BAZ2B: variants seen among roughly 807,000 people sequenced by gnomAD.
The protein encoded by BAZ2B is bromodomain adjacent to zinc finger domain protein 2B.
In BAZ2B, 91 loss-of-function variants were observed where a neutral mutation model predicts 246.0. The observed-to-expected ratio is 0.37, with a 90% CI of 0.31 to 0.44. BAZ2B has a LOEUF of 0.44. BAZ2B is among the 20% of genes least tolerant of loss of function. The pLI, the probability that BAZ2B is intolerant of heterozygous loss-of-function variation, is 1.00. For synonymous variants in BAZ2B, 855 were observed against 860.0 expected (o/e 0.99, Z 0.10); for missense variants, 2,332 against 2,533.7 (o/e 0.92, Z 1.71).
At chr2:159,566,559 A>C (rs1198284042) in intron 1 of BAZ2B, among the ~76,000 whole-genome samples, 3 of 152,208 alleles carry the variant, frequency 2.0e-5, no homozygotes, top group African/African-American at 7.2e-5. Context: ...TCTATAATTC[A>C]CCACCTTACA....
At chr2:159,485,607 T>C (rs2150982103) in intron 2 of BAZ2B, among the ~76,000 whole-genome samples, 1 of 152,220 alleles carries the variant, frequency 6.6e-6, no homozygotes, top group Admixed American at 6.5e-5. Context: ...CTCCCCTAAA[T>C]ACTAGTTTCC....
chr2:159,668,032 T>C, the BAZ2B span, among the ~76,000 whole-genome samples: 1 of 152,196 alleles, frequency 6.6e-6, no homozygotes, highest in Admixed American at 6.5e-5. Context: ...GGTATATCTA[T>C]TAAATTCAGT....
the BAZ2B span, among the ~76,000 whole-genome samples, chr2:159,635,884 C>T: frequency 2.6e-5 from 4 of 151,456 alleles, no homozygotes; most frequent in African/African-American, 9.7e-5. Context: ...TAGGGAGACC[C>T]TGTCTCTATA....
chr2:159,328,502 T>C (rs2064121059), intron 34 of BAZ2B, among the ~76,000 whole-genome samples: 1 of 152,202 alleles, frequency 6.6e-6, no homozygotes, highest in Admixed American at 6.5e-5. Context: ...TGGGAGGACA[T>C]AAAAATCCAT....
chr2:159,534,804 A>T (rs1368100733), intron 2 of BAZ2B, among the ~76,000 whole-genome samples: 1 of 152,012 alleles, frequency 6.6e-6, no homozygotes, highest in Non-Finnish European at 1.5e-5. Flanking sequence ...AAGGGGTTTC[A>T]CCATGCTAGC....
At chr2:159,553,351 C>T (rs1316104208) in intron 2 of BAZ2B, among the ~76,000 whole-genome samples, 2 of 129,450 alleles carry the variant, frequency 1.5e-5, no homozygotes, top group African/African-American at 6.1e-5. Flanking sequence ...GCCAAGATTG[C>T]ACCACTGCAC....
intron 4 of BAZ2B, among the ~76,000 whole-genome samples, chr2:159,448,665 G>T (rs1292379782): frequency 6.6e-6 from 1 of 152,174 alleles, no homozygotes; most frequent in Non-Finnish European, 1.5e-5. Context: ...GACAAAGGTA[G>T]TCCATAGTTT....
intron 2 of BAZ2B, among the ~76,000 whole-genome samples, chr2:159,515,554 T>C (rs1194047619): frequency 2.0e-5 from 3 of 152,120 alleles, no homozygotes; most frequent in Admixed American, 2.0e-4. Context: ...CTCCATTTTA[T>C]AAAATACTTG....
intron 1 of BAZ2B, among the ~76,000 whole-genome samples, chr2:159,595,829 TTAAC>T (rs1468224472): frequency 5.3e-5 from 8 of 152,242 alleles, no homozygotes; most frequent in African/African-American, 1.9e-4. Context: ...CCAACTGTGT[TTAAC>T]TAAGGCAAAT....
intron 3 of BAZ2B, among the ~76,000 whole-genome samples, chr2:159,472,830 G>A (rs1334324225): frequency 6.6e-6 from 1 of 152,204 alleles, no homozygotes; most frequent in East Asian, 1.9e-4. Context: ...TCCCAGGGAT[G>A]AAGCTGACTT....
At chr2:159,409,538 C>T (rs866079905) in intron 14 of BAZ2B, among the ~76,000 whole-genome samples, 1 of 152,148 alleles carries the variant, frequency 6.6e-6, no homozygotes, top group Non-Finnish European at 1.5e-5. Context: ...TCAAAACTCA[C>T]ATTTATCTCA....
chr2:159,332,326 C>CAA (rs11409022), intron 34 of BAZ2B, among the ~76,000 whole-genome samples: 1,723 of 141,334 alleles, frequency 0.012, 25 homozygotes, highest in African/African-American at 0.029. Flanking sequence ...ATCTCTCTCT[C>CAA]AAAAAAAAAA....
intron 27 of BAZ2B, among the ~76,000 whole-genome samples, chr2:159,359,614 G>C (rs978778770): frequency 1.3e-5 from 2 of 152,128 alleles, no homozygotes; most frequent in African/African-American, 4.8e-5. Flanking sequence ...TATAAGGCCA[G>C]CGTCAATACC....
chr2:159,652,462 G>A, the BAZ2B span, among the ~76,000 whole-genome samples: 11 of 151,914 alleles, frequency 7.2e-5, no homozygotes, highest in South Asian at 2.1e-4. Flanking sequence ...CACCCACCTC[G>A]GCCTCCTAAA....
At chr2:159,621,481 CA>C (rs1309239258), upstream of BAZ2B, among the ~76,000 whole-genome samples, 3 of 152,094 alleles carry the variant, frequency 2.0e-5, no homozygotes, top group Admixed American at 1.3e-4. Flanking sequence ...AGAGCTTTGC[CA>C]GGGGTGGAGG....
intron 19 of BAZ2B, 27 bp downstream of exon 19, chr2:159,397,318 C>T (rs1216125592): frequency 1.4e-6 from 2 of 1,466,954 alleles, no homozygotes; most frequent in Non-Finnish European, 1.9e-6. Flanking sequence ...GTACATTCAA[C>T]AATTGTATAA....
the BAZ2B span, among the ~76,000 whole-genome samples, chr2:159,671,538 ATT>A: frequency 6.6e-6 from 1 of 152,198 alleles, no homozygotes; most frequent in African/African-American, 2.4e-5. Flanking sequence ...TACAACAGTT[ATT>A]TATTGGGACG....
intron 27 of BAZ2B, among the ~76,000 whole-genome samples, chr2:159,368,460 T>TA (rs1187777645): frequency 6.6e-6 from 1 of 152,154 alleles, no homozygotes; most frequent in Non-Finnish European, 1.5e-5. Context: ...AGCTGTAAGA[T>TA]AAAGAGAAGG....
At chr2:159,557,667 T>C (rs1406735690) in intron 1 of BAZ2B, among the ~76,000 whole-genome samples, 1 of 152,268 alleles carries the variant, frequency 6.6e-6, no homozygotes. Context: ...CTGTTAGCTT[T>C]AACTCCATGA....
Sources: gnomAD v4.1 joint callset for allele counts (sites outside exome capture counted in the v4.1 genomes callset) on GRCh38, gnomAD v4.1.1 for gene constraint, MANE v1.5 for transcripts, NCBI Gene and HGNC (gene_info 2026-07-23, HGNC 2026-07-21) for gene names.